The following WDR17 variants were observed in gnomAD, a reference collection of about 807,000 sequenced individuals.
WDR17 encodes WD repeat-containing protein 17.
In WDR17, 143 loss-of-function variants were observed where a neutral mutation model predicts 161.7. The observed-to-expected ratio is 0.88, with a 90% confidence interval of 0.77 to 1.02. The LOEUF (loss-of-function observed/expected upper bound fraction) is 1.02. WDR17 is among the 50% of genes least tolerant of loss of function. The pLI is 0.00. For missense variants in WDR17, 1,469 were observed against 1,520.9 expected, an observed-to-expected ratio of 0.97 and a Z score of 0.57; for synonymous variants, 517 against 515.6, an observed-to-expected ratio of 1.00 and a Z score of -0.04.
At chr4:176,167,691 A>T (rs1750081709) in intron 22 of WDR17, among the ~76,000 whole-genome samples, 1 of 148,226 alleles carries the variant, frequency 6.7e-6, no homozygotes. Context: ...TGAATTATTG[A>T]AAGTTAAGTG....
Position 176,148,190 on chromosome 4 carries a change from C to T in WDR17, c.1752C>T (p.His584=). Residue 584 remains histidine, a synonymous_variant, in exon 13 of 29, where the codon CAC becomes CAT. Transcript: ENST00000508596. ...QDACINILNG[H]TAPVRGLMWN... ...CTTGCATCAATATTCTTAATGGACACACTGCACCTGTGAGAGGATTAATGT... is the reference window on the plus strand; with the variant it reads ...CTTGCATCAATATTCTTAATGGACATACTGCACCTGTGAGAGGATTAATGT... 6.2e-7 allele frequency: 1 copy of T among 1,613,994 alleles called. No homozygotes were observed. The highest frequency in any genetic ancestry group is 1.3e-5 in the African/African-American group (1 of 75,042).
intron 3 of WDR17, among the ~76,000 whole-genome samples, chr4:176,116,352 A>C (rs937820275): frequency 7.9e-5 from 12 of 151,930 alleles, no homozygotes; most frequent in Admixed American, 2.6e-4. Context: ...AATTACAAAG[A>C]AAGTATTATG....
intron 18 of WDR17, among the ~76,000 whole-genome samples, chr4:176,156,888 C>G (rs1014735118): frequency 6.6e-6 from 1 of 152,096 alleles, no homozygotes; most frequent in Non-Finnish European, 1.5e-5. Context: ...CACGTCACTC[C>G]AGTCTCTCCT....
intron 10 of WDR17, among the ~76,000 whole-genome samples, 165 bp from the exon 11 acceptor site, chr4:176,141,818 A>G (rs62339427): frequency 0.26 from 40,234 of 152,252 alleles, 6,097 homozygotes; most frequent in Admixed American, 0.42. Context: ...AAATATACTT[A>G]TAATTGGTAA....
intron 1 of WDR17, among the ~76,000 whole-genome samples, chr4:176,103,332 C>A (rs1057073631): frequency 6.6e-6 from 1 of 152,006 alleles, no homozygotes; most frequent in South Asian, 2.1e-4. Flanking sequence ...ACAAAAACAG[C>A]AAACTCTGAT....
chr4:176,128,132 G>A (rs1018802121), intron 5 of WDR17, among the ~76,000 whole-genome samples: 1 of 152,140 alleles, frequency 6.6e-6, no homozygotes, highest in Non-Finnish European at 1.5e-5. Flanking sequence ...ACAGGTTTTG[G>A]TATGGACCTT....
At position 176,168,701 on chromosome 4, in the gene WDR17, T is replaced by C; in HGVS notation, c.3020T>C (p.Ile1007Thr). 1 of 1,613,650 alleles carries C rather than the reference T, an allele frequency of 6.2e-7. No individual in the cohort carries two copies. Among genetic ancestry groups the C allele is most frequent in the Non-Finnish European group, 8.5e-7 (1 of 1,179,758 alleles). ...TTGGCAGCTGATCTTCTTCTGATGA[T>C]TCCTGATAATGAACTACATTTAATA... ...WNLAADLLLM[I>T]PDNELHLIKL... Residue 1007 changes from isoleucine to threonine, a missense_variant, in exon 23 of 29, where the codon ATT (isoleucine) becomes ACT (threonine). Physicochemically the swap from Ile to Thr is moderately conservative, Grantham distance 89. Coordinates refer to ENST00000508596, the MANE Select transcript of WDR17 (RefSeq NM_181265.4).
chr4:176,168,711 T>A lies in WDR17; in HGVS notation c.3030T>A (p.Asn1010Lys). 6.2e-7 allele frequency: 1 copy of A among 1,613,696 alleles called. No homozygotes were observed. Among genetic ancestry groups the A allele is most frequent in the African/African-American group, 1.3e-5 (1 of 75,054 alleles). Residue 1010 changes from asparagine to lysine, a missense_variant, in exon 23 of 29, where the codon AAT becomes AAA. Coordinates refer to ENST00000508596, the MANE Select transcript of WDR17 (RefSeq NM_181265.4). Reference protein sequence around the residue: ...AADLLLMIPDNELHLIKLCAF... With the variant: ...AADLLLMIPDKELHLIKLCAF... ...ATCTTCTTCTGATGATTCCTGATAA[T>A]GAACTACATTTAATAAAACTCTGTG...
Position 176,111,644 on chromosome 4 carries a change from T to C in WDR17, c.64T>C (p.Cys22Arg), listed in dbSNP as rs749380498. Reference sequence around the variant, plus strand: ...ATGTCAGCCATGGAACAAGGATGTATGTGCTGCCAGTGGAGACAGGTTTGC... The same window carrying C: ...ATGTCAGCCATGGAACAAGGATGTACGTGCTGCCAGTGGAGACAGGTTTGC... ...AGCQPWNKDV[C>R]AASGDRFAYC... Residue 22 changes from cysteine to arginine, a missense_variant, in exon 2 of 29, where the codon TGT becomes CGT. Cys to Arg is a radical substitution (Grantham distance 180). Transcript: ENST00000508596. 3.1e-6 allele frequency: 5 copies of C among 1,611,480 alleles called. No homozygotes were observed. Among genetic ancestry groups the C allele is most frequent in the Non-Finnish European group, 3.4e-6 (4 of 1,178,320 alleles).
chr4:176,068,735 G>C (rs1732841686), intron 1 of WDR17, among the ~76,000 whole-genome samples: 1 of 152,112 alleles, frequency 6.6e-6, no homozygotes, highest in African/African-American at 2.4e-5. Flanking sequence ...ACCCAAGACT[G>C]TGCTTTATCC....
chr4:176,071,122 C>CTT (rs10654972), intron 1 of WDR17, among the ~76,000 whole-genome samples: 76,322 of 146,810 alleles, frequency 0.52, 20,754 homozygotes, highest in South Asian at 0.63. Flanking sequence ...TTCCTCAAGT[C>CTT]TTTTTTTTTT....
intron 1 of WDR17, chr4:176,096,482 C>T (rs776697845): frequency 1.0e-5 from 16 of 1,551,642 alleles, no homozygotes; most frequent in South Asian, 4.7e-5. Flanking sequence ...ATTCTGATGC[C>T]GAGTTTCCAA....
chr4:176,171,757 G>T (rs1750761976), intron 23 of WDR17, among the ~76,000 whole-genome samples: 1 of 133,850 alleles, frequency 7.5e-6, no homozygotes, highest in Non-Finnish European at 1.6e-5. Context: ...CAGACTCTCA[G>T]TTTTAACAGA....
intron 22 of WDR17, among the ~76,000 whole-genome samples, chr4:176,166,883 A>G (rs1749852856): frequency 6.6e-6 from 1 of 152,184 alleles, no homozygotes; most frequent in African/African-American, 2.4e-5. Flanking sequence ...GGAAAATAAT[A>G]TGAAAAATTA....
intron 5 of WDR17, 89 bp from the exon 6 acceptor site, chr4:176,128,649 C>T: frequency 6.0e-6 from 8 of 1,331,860 alleles, no homozygotes; most frequent in Non-Finnish European, 8.3e-6. Flanking sequence ...TAAAATATTT[C>T]CAGTTGAAAT....
Position 176,156,129 on chromosome 4 carries a change from G to A in WDR17, c.2511G>A (p.Lys837=). ...IAPGVSVKYW[K]KLMQRRADQL... ...CAGGAGTCTCTGTGAAATACTGGAAGAAGTTAATGCAGAGGTAAGGCAGAG... is the reference window on the plus strand; with the variant it reads ...CAGGAGTCTCTGTGAAATACTGGAAAAAGTTAATGCAGAGGTAAGGCAGAG... The change falls in exon 18 of 29, where the codon AAG becomes AAA. Residue 837 remains lysine (K), a synonymous_variant. Coordinates refer to ENST00000508596, the MANE Select transcript of WDR17 (RefSeq NM_181265.4). 1.2e-6 allele frequency: 2 copies of A among 1,613,608 alleles called. No individual in the cohort carries two copies. The highest frequency in any genetic ancestry group is 1.7e-6 in the Non-Finnish European group (2 of 1,179,720).
intron 22 of WDR17, among the ~76,000 whole-genome samples, chr4:176,166,494 G>A (rs960897777): frequency 2.0e-5 from 3 of 151,974 alleles, no homozygotes; most frequent in African/African-American, 4.8e-5. Flanking sequence ...ATTTTTATAT[G>A]TACATTTTTC....
intron 24 of WDR17, 22 bp downstream of exon 24, chr4:176,172,538 G>A: frequency 6.5e-7 from 1 of 1,545,832 alleles, no homozygotes; most frequent in South Asian, 1.2e-5. Flanking sequence ...GTTGGTAGTA[G>A]AATTTTAAAT....
At chr4:176,086,164 A>T (rs938491682) in intron 1 of WDR17, among the ~76,000 whole-genome samples, 1 of 151,970 alleles carries the variant, frequency 6.6e-6, no homozygotes, top group Non-Finnish European at 1.5e-5. Flanking sequence ...TATACTCTGA[A>T]TGATTTCAGC....
Sources: allele counts gnomAD v4.1 joint callset (sites outside exome capture counted in the v4.1 genomes callset), GRCh38; gene constraint gnomAD v4.1.1; transcripts MANE v1.5; gene names NCBI Gene and HGNC (gene_info 2026-07-23, HGNC 2026-07-21).